Variants in RASGRP4 observed in about 807,000 individuals in gnomAD.
The protein encoded by RASGRP4 is RAS guanyl releasing protein 4.
Under a neutral mutation model 84.4 loss-of-function variants are expected in RASGRP4, and 52 were observed. The ratio of observed to expected loss-of-function variants is 0.62; its 90% CI spans 0.49 to 0.78. The LOEUF is 0.78. Ranked by LOEUF, RASGRP4 falls within the 30% of genes least tolerant of loss-of-function variation. The pLI, the probability that RASGRP4 is intolerant of heterozygous loss-of-function variation, is 0.00. For synonymous variants in RASGRP4, 356 were observed against 359.1 expected, an observed-to-expected ratio of 0.99 and a Z score of 0.10; for missense variants, 760 against 886.9, an observed-to-expected ratio of 0.86 and a Z score of 1.82.
chr19:38,416,789 C>G (rs1485732875), intron 8 of RASGRP4, among the ~76,000 whole-genome samples: 1 of 152,198 alleles, frequency 6.6e-6, no homozygotes, highest in Non-Finnish European at 1.5e-5. Context: ...GCAAAGTTCT[C>G]TGCTAGCCTG....
Position 38,421,969 on chromosome 19 carries a change from C to G in RASGRP4, c.208G>C (p.Asp70His), listed in dbSNP as rs183422897. 6.2e-7 allele frequency: 1 copy of G among 1,609,268 alleles called. No individual in the cohort carries two copies. Among genetic ancestry groups the G allele is most frequent in the Non-Finnish European group, 8.5e-7 (1 of 1,178,150 alleles). The change falls in exon 2 of 17, where the codon GAT becomes CAT. Residue 70 changes from aspartate to histidine, a missense_variant and splice_region_variant. Coordinates refer to ENST00000615439, the MANE Select transcript of RASGRP4 (RefSeq NM_170604.3). ...AGGCTGCTGGGGAGAGGACACTTAC[C>G]GAAGGACTGGATGCATTTCTCCAGC... ...ELLEKCIQSFDSAGSLCHEDH... is the reference protein window; with the variant it reads ...ELLEKCIQSFHSAGSLCHEDH...
chr19:38,410,633 G>A (rs1160820046), intron 16 of RASGRP4, among the ~76,000 whole-genome samples: 7 of 151,868 alleles, frequency 4.6e-5, no homozygotes, highest in Admixed American at 6.6e-5. Context: ...GGCTGATCTC[G>A]AACTTCTGAC....
At chr19:38,414,336 GAGA>G (rs1158212936) in intron 9 of RASGRP4, among the ~76,000 whole-genome samples, 3 of 150,442 alleles carry the variant, frequency 2.0e-5, no homozygotes, top group Non-Finnish European at 2.9e-5. Flanking sequence ...TATTTATTTT[GAGA>G]AGGAGTTTCG....
At position 38,426,120 on chromosome 19, in the gene RASGRP4, G is replaced by C. The variant is rs1971984944; in HGVS notation, c.-29C>G. On this transcript the variant is annotated 5_prime_UTR_variant, in exon 1 of 17. Transcript: ENST00000615439. ...TCCCGCGTGGGGTGAGGAGGCCGGG[G>C]GTCTTGCAAGAGTAGGGCTCAGCTC... The C allele has an allele frequency of 7.6e-7, 1 of 1,317,854 alleles. No homozygotes were observed. 81.6% of individuals were successfully genotyped at this position (1,317,854 alleles called of 1,614,324 possible). A position where few individuals can be genotyped will look rare whatever the true frequency, so the allele number is the denominator to read the frequency against.
Position 38,413,192 on chromosome 19 carries a change from C to T in RASGRP4, c.1416+1G>A. On this transcript the variant is annotated splice_donor_variant, in intron 11 of 16. Transcript: ENST00000615439. LOFTEE classifies it high-confidence loss of function. This position sits in a 1 kb window ranked among gnomAD's most constrained non-coding sequence, Gnocchi z 4.7. The stretch of plus-strand genomic sequence containing the variant: ...CGGCCGGGCCACCCTCCCCTCCTTA[C>T]CTCCACCAGCTGCTCCACATGCCGA... 6 of 1,612,856 alleles carry T rather than the reference C, an allele frequency of 3.7e-6. No homozygotes were observed. Among genetic ancestry groups the T allele is most frequent in the Non-Finnish European group, 5.1e-6 (6 of 1,179,406 alleles).
chr19:38,412,780 G>A lies in RASGRP4; in HGVS notation c.1572C>T (p.Tyr524=). The change falls in exon 13 of 17, where the codon TAC becomes TAT. Residue 524 remains tyrosine (Y), a synonymous_variant. Coordinates refer to ENST00000615439, the MANE Select transcript of RASGRP4 (RefSeq NM_170604.3). The surrounding 1 kb of genome is among the most constrained non-coding windows in gnomAD (Gnocchi z 4.6). The part of the protein sequence containing the change: ...GSFSREELTG[Y]LLRASAICSK... ...AGCAGATGGCGCTGGCCCGGAGCAG[G>A]TACCCTGTCAGCTCCTCTCTGCTGA... The A allele has an allele frequency of 6.2e-7, 1 of 1,607,706 alleles. No individual in the cohort carries two copies. The highest frequency in any genetic ancestry group is 8.5e-7 in the Non-Finnish European group (1 of 1,177,032).
rs148188664 is a variant in RASGRP4, at chr19:38,413,090, G to A, written c.1417-41C>T. 7.8e-4 allele frequency: 1,238 copies of A among 1,582,310 alleles called. 9 individuals are homozygous for A. The African/African-American group carries it at 0.014, about 18-fold the overall frequency. On this transcript the variant is annotated intron_variant, in intron 11 of 16. Coordinates refer to ENST00000615439, the MANE Select transcript of RASGRP4 (RefSeq NM_170604.3). This position sits in a 1 kb window ranked among gnomAD's most constrained non-coding sequence, Gnocchi z 4.7. ...GGGAAGCAGATAAGGCCCAGTTGTC[G>A]AAATATGATCCCCATGGCCATAAGT...
At position 38,413,792 on chromosome 19, in the gene RASGRP4, G is replaced by A. The variant is rs544791705; in HGVS notation, c.1231-318C>T. On this transcript the variant is annotated intron_variant, in intron 9 of 16. Transcript: ENST00000615439. The surrounding 1 kb of genome is among the most constrained non-coding windows in gnomAD (Gnocchi z 4.7). ...GCTTGAGATTTTGGGCTATCAGCAT[G>A]AGAAGCTCAGAACCTTGGAGTTTAA... Among the ~76,000 whole-genome samples, 4 of 152,188 alleles carry A rather than the reference G, an allele frequency of 2.6e-5. No homozygotes were observed. The highest frequency in any genetic ancestry group is 6.5e-5 in the Admixed American group (1 of 15,280).
rs1971301847 is a variant in RASGRP4 at position 38,412,423 on chromosome 19, C to CCTAT, written c.1680+245_1680+248dup. The CCTAT allele has an allele frequency of 2.0e-6, 1 of 490,440 alleles. No individual in the cohort carries two copies. The highest frequency in any genetic ancestry group is 3.8e-5 in the Admixed American group (1 of 26,406). The allele number at this position is 490,440 out of a possible 1,614,324, so 30.4% of individuals were successfully genotyped here. A position where few individuals can be genotyped will look rare whatever the true frequency, so the allele number is the denominator to read the frequency against. The stretch of plus-strand genomic sequence containing the variant: ...AGGCGTGAGCCACCACTCCTGGCCT[C>CCTAT]CTATCTAGAGTTTTAGGTATTATCC... On this transcript the variant is annotated intron_variant, in intron 13 of 16. Transcript: ENST00000615439. The surrounding 1 kb of genome is among the most constrained non-coding windows in gnomAD (Gnocchi z 4.6).
Position 38,422,133 on chromosome 19 carries a change from G to T in RASGRP4, c.44C>A (p.Thr15Asn). ...DSKRKSHQEC[T>N]GKIGGRGRPR... is the part of the protein sequence containing the mutation. Reference sequence around the variant, plus strand: ...CCGGCCTCGCCCTCCTATTTTTCCGGTGCATTCCTGGTGGGACTTCCTGTG... The same window carrying T: ...CCGGCCTCGCCCTCCTATTTTTCCGTTGCATTCCTGGTGGGACTTCCTGTG... The change falls in exon 2 of 17, where the codon ACC (threonine) becomes AAC (asparagine). Residue 15 changes from threonine to asparagine, a missense_variant. Thr to Asn is a moderately conservative substitution (Grantham distance 65). Transcript: ENST00000615439. 6.2e-7 allele frequency: 1 copy of T among 1,610,998 alleles called. No homozygotes were observed. Among genetic ancestry groups the T allele is most frequent in the East Asian group, 2.2e-5 (1 of 44,806 alleles).
rs746396484 is a variant in RASGRP4, at chr19:38,410,079, C to T, written c.1983G>A (p.Met661Ile). The T allele has an allele frequency of 2.5e-6, 4 of 1,611,998 alleles. No homozygotes were observed. The highest frequency in any genetic ancestry group is 1.1e-5 in the South Asian group (1 of 90,804). The change falls in exon 17 of 17, where the codon ATG (methionine) becomes ATA (isoleucine). Residue 661 changes from methionine to isoleucine, a missense_variant. Met to Ile is a conservative substitution (Grantham distance 10). Transcript: ENST00000615439. ...TGGAGGATGCAGTTGATGGTGGGTC[C>T]ATCACCGGGCAGGGGACCTGGAAGG... ...WETDTVPCPV[M>I]DPPSTASSKL...
rs754676327 is a variant in RASGRP4, at chr19:38,410,052, C to T, written c.2010G>A (p.Lys670=). Residue 670 remains lysine, a synonymous_variant, in exon 17 of 17, where the codon AAG becomes AAA. Transcript: ENST00000615439. ...GACCAAGAGATGTCTAGGAATCCAGCTTGGAGGATGCAGTTGATGGTGGGT... is the reference window on the plus strand; with the variant it reads ...GACCAAGAGATGTCTAGGAATCCAGTTTGGAGGATGCAGTTGATGGTGGGT... ...VMDPPSTASS[K]LDS The T allele has an allele frequency of 2.2e-5, 35 of 1,612,140 alleles. No homozygotes were observed. The highest frequency in any genetic ancestry group is 2.8e-5 in the Non-Finnish European group (33 of 1,179,044).
In RASGRP4 at chr19:38,411,007, G is replaced by T; in HGVS notation, c.1853-9C>A. The stretch of plus-strand genomic sequence containing the variant: ...GTGATTTTCCTCGGAGCCTGTTTGT[G>T]GGTGGATGGAAGGGATGTGGGTCTG... On this transcript the variant is annotated splice_polypyrimidine_tract_variant and intron_variant, in intron 15 of 16. Coordinates refer to ENST00000615439, the MANE Select transcript of RASGRP4 (RefSeq NM_170604.3). The T allele has an allele frequency of 6.2e-7, 1 of 1,606,482 alleles. No homozygotes were observed.
At position 38,423,591 on chromosome 19, in the gene RASGRP4, C is replaced by T. The variant is rs571086395; in HGVS notation, c.24-1438G>A. On this transcript the variant is annotated intron_variant, in intron 1 of 16. Transcript: ENST00000615439. ...GTGGCTCACGCCTGTAGTCCCAGCA[C>T]TTTGGGAGGCTGAGGTGGGTGGATC... Among the ~76,000 whole-genome samples the T allele has an allele frequency of 7.2e-5, 11 of 151,936 alleles. No individual in the cohort carries two copies. In the South Asian group the frequency reaches 1.0e-3, roughly 14 times the overall value.
intron 1 of RASGRP4, among the ~76,000 whole-genome samples, chr19:38,422,901 G>C (rs1038089355): frequency 6.6e-6 from 1 of 151,868 alleles, no homozygotes; most frequent in Admixed American, 6.6e-5. Flanking sequence ...CCTGGGGACC[G>C]CCGCTCAGGA....
In RASGRP4 at chr19:38,414,979, C is replaced by T. The variant is rs760702740; in HGVS notation, c.1099G>A (p.Asp367Asn). 47 of 1,613,452 alleles carry T rather than the reference C, an allele frequency of 2.9e-5. No individual in the cohort carries two copies. The highest frequency in any genetic ancestry group is 2.5e-4 in the East Asian group (11 of 44,868). ...TGCAGGCGGCCGTCAGGCAACCTGT[C>T]GGGCTGTGCCTCATGCAGGGACACC... ...DLVSLHEAQP[D>N]RLPDGRLHLP... Residue 367 changes from aspartate (D) to asparagine (N), a missense_variant, in exon 9 of 17, where the codon GAC (aspartate) becomes AAC (asparagine). Coordinates refer to ENST00000615439, the MANE Select transcript of RASGRP4 (RefSeq NM_170604.3).
In RASGRP4 at chr19:38,413,424, A is replaced by C; in HGVS notation, c.1281T>G (p.Tyr427Ter). Reference sequence around the variant, plus strand: ...TCTTGGGACAACGCGGCTCCCGGGCATAAGAAAGCTCATAGATCTCGTCTT... The same window carrying C: ...TCTTGGGACAACGCGGCTCCCGGGCCTAAGAAAGCTCATAGATCTCGTCTT... ...YTEDEIYELS[Y>*]AREPRCPKSL... Residue 427 changes from tyrosine (Y) to a stop codon, truncating the protein, a stop_gained, in exon 10 of 17, where the codon TAT becomes TAG. Coordinates refer to ENST00000615439, the MANE Select transcript of RASGRP4 (RefSeq NM_170604.3). LOFTEE classifies it high-confidence loss of function. The surrounding 1 kb of genome is among the most constrained non-coding windows in gnomAD (Gnocchi z 4.7). The C allele has an allele frequency of 3.7e-6, 6 of 1,608,048 alleles. No homozygotes were observed. Among genetic ancestry groups the C allele is most frequent in the Non-Finnish European group, 5.1e-6 (6 of 1,177,180 alleles).
At chr19:38,419,134 C>T (rs1465468329) in intron 6 of RASGRP4, among the ~76,000 whole-genome samples, 1 of 152,200 alleles carries the variant, frequency 6.6e-6, no homozygotes, top group Non-Finnish European at 1.5e-5. Flanking sequence ...CAGATCCCCA[C>T]CTTCCCTTGA....
intron 8 of RASGRP4, among the ~76,000 whole-genome samples, chr19:38,415,817 G>T (rs182385074): frequency 1.3e-5 from 2 of 149,564 alleles, no homozygotes; most frequent in Admixed American, 1.3e-4. Flanking sequence ...CCAGCATTTT[G>T]AGAGGCCGAG....
Sources: gnomAD v4.1 joint callset for allele counts (sites outside exome capture counted in the v4.1 genomes callset) on GRCh38, gnomAD v4.1.1 for gene constraint, Gnocchi (gnomAD v3.1) non-coding constraint, MANE v1.5 for transcripts, NCBI Gene and HGNC (gene_info 2026-07-23, HGNC 2026-07-21) for gene names.